Variants in TSPOAP1 observed in about 807,000 individuals in gnomAD.
The protein encoded by TSPOAP1 is TSPO associated protein 1.
TSPOAP1 carries 87 observed loss-of-function variants against 197.0 expected under a neutral mutation model. That is an observed-to-expected ratio of 0.44 (90% CI 0.37 to 0.53). The LOEUF is 0.53. Ranked by LOEUF, TSPOAP1 falls within the 20% of genes least tolerant of loss-of-function variation. The pLI is 0.00. For synonymous variants in TSPOAP1, 913 were observed against 998.9 expected (o/e 0.91, Z 1.62); for missense variants, 2,174 against 2,411.3 (o/e 0.90, Z 2.06).
In TSPOAP1 at chr17:58,307,589, GCCC is replaced by G. The variant is rs1970938999; in HGVS notation, c.4983+19_4983+21del. ...ACCCAGCTGGTGTTTGGAATTCTGA[GCCC>G]TGATGGCGAATCAGTCACCTTCAGG... On this transcript the variant is annotated intron_variant, in intron 24 of 31. Coordinates refer to ENST00000343736, the MANE Select transcript of TSPOAP1 (RefSeq NM_004758.4). The G allele has an allele frequency of 6.2e-7, 1 of 1,610,512 alleles. No homozygotes were observed. Among genetic ancestry groups the G allele is most frequent in the African/African-American group, 1.3e-5 (1 of 74,878 alleles).
At position 58,312,163 on chromosome 17, in the gene TSPOAP1, G is replaced by T. The variant is rs1218272427; in HGVS notation, c.2658C>A (p.Ser886Arg). The change falls in exon 17 of 32, where the codon AGC (serine) becomes AGA (arginine). Residue 886 changes from serine to arginine, a missense_variant. Physicochemically the swap from Ser to Arg is moderately radical, Grantham distance 110 (BLOSUM62 -1). Transcript: ENST00000343736. The part of the protein sequence containing the change: ...AVGARAGVVP[S>R]QLRVHRLTAT... ...CTGTCAACCGATGGACCCGCAGCTG[G>T]CTGGGCACCACTCCGGCCCGGGCAC... The T allele has an allele frequency of 6.2e-7, 1 of 1,613,130 alleles. No individual in the cohort carries two copies.
chr17:58,327,737 T>G lies in TSPOAP1; in HGVS notation c.184A>C (p.Lys62Gln). The change falls in exon 1 of 32, where the codon AAG (lysine) becomes CAG (glutamine). Residue 62 changes from lysine to glutamine, a missense_variant. Physicochemically the swap from Lys to Gln is moderately conservative, Grantham distance 53. This residue lies in a region of TSPOAP1 where 1,933 missense variants were observed against 2,139.0 expected (regional missense o/e 0.90). Coordinates refer to ENST00000343736, the MANE Select transcript of TSPOAP1 (RefSeq NM_004758.4). ...LQELRSEESSKPKGDGSSRPV... is the reference protein window; with the variant it reads ...LQELRSEESSQPKGDGSSRPV... Reference sequence around the variant, plus strand: ...CTGGAGCTCCCGTCTCCTTTGGGCTTGGAACTCTCCTCAGACCTCAGTTCT... The same window carrying G: ...CTGGAGCTCCCGTCTCCTTTGGGCTGGGAACTCTCCTCAGACCTCAGTTCT... The G allele has an allele frequency of 6.2e-7, 1 of 1,614,182 alleles. No homozygotes were observed. The highest frequency in any genetic ancestry group is 8.5e-7 in the Non-Finnish European group (1 of 1,180,034).
chr17:58,311,436 T>C, intron 18 of TSPOAP1, 135 bp downstream of exon 18: 1 of 1,336,778 alleles, frequency 7.5e-7, no homozygotes, highest in Non-Finnish European at 1.0e-6. Context: ...AAGCCCATGC[T>C]CTTAACCCAT....
rs560278627 is a variant in TSPOAP1, at chr17:58,313,989, A to G, written c.2099-1267T>C. ...ATGTCAAGGAAGCTGGGCACCCAGCATGTAATGTCACGGTCAATTTAAAGA... is the reference window on the plus strand; with the variant it reads ...ATGTCAAGGAAGCTGGGCACCCAGCGTGTAATGTCACGGTCAATTTAAAGA... On this transcript the variant is annotated intron_variant, in intron 16 of 31. Transcript: ENST00000343736. Among the ~76,000 whole-genome samples the G allele has an allele frequency of 9.1e-4, 139 of 152,352 alleles. 1 individual carries two copies. Among genetic ancestry groups the G allele is most frequent in the African/African-American group, 2.7e-3 (112 of 41,570 alleles).
At position 58,309,819 on chromosome 17, in the gene TSPOAP1, C is replaced by T. The variant is rs1971025233; in HGVS notation, c.3891+148G>A. 4 of 1,093,442 alleles carry T rather than the reference C, an allele frequency of 3.7e-6. No homozygotes were observed. Among genetic ancestry groups the T allele is most frequent in the South Asian group, 3.3e-5 (2 of 61,474 alleles). 67.7% of individuals were successfully genotyped at this position (1,093,442 alleles called of 1,614,324 possible). A position where few individuals can be genotyped will look rare whatever the true frequency, so the allele number is the denominator to read the frequency against. ...GAGGGCAGGGGCCAATCCTGGGGCA[C>T]TTCCTATCTTCTGCTTAGGACAGGG... On this transcript the variant is annotated intron_variant, in intron 21 of 31. Coordinates refer to ENST00000343736, the MANE Select transcript of TSPOAP1 (RefSeq NM_004758.4). This position sits in a 1 kb window ranked among gnomAD's most constrained non-coding sequence, Gnocchi z 5.0.
chr17:58,312,763 CAG>C (rs765620699), intron 16 of TSPOAP1, 41 bp from the exon 17 acceptor site: 103 of 1,537,574 alleles, frequency 6.7e-5, no homozygotes, highest in Non-Finnish European at 8.8e-5. Context: ...CAGGGGAAGA[CAG>C]AGAGGAGATA....
rs530410022 is a variant in TSPOAP1 at position 58,314,709 on chromosome 17, CA to C, written c.2098+1313del. ...AGCCACTCTATGGTAATTGCTCCTG[CA>C]GCCCTAGGAAACGATCATAAGCACC... On this transcript the variant is annotated intron_variant, in intron 16 of 31. Transcript: ENST00000343736. Among the ~76,000 whole-genome samples the C allele has an allele frequency of 1.6e-4, 24 of 152,356 alleles. 1 individual carries two copies. The South Asian group carries it at 5.0e-3, about 32-fold the overall frequency.
chr17:58,309,157 C>T lies in TSPOAP1; in HGVS notation c.4115G>A (p.Gly1372Asp), dbSNP rs757340970. 9 of 1,613,950 alleles carry T rather than the reference C, an allele frequency of 5.6e-6. No individual in the cohort carries two copies. In the Admixed American group the frequency reaches 1.3e-4, roughly 24 times the overall value. ...ACACTGGCCAGGTCTTCGGGGCTGA[C>T]CACTGTCACAGCCCAGCCCCAGCAA... ...PALLGLGCDS[G>D]QPRRPGQCPL... The change falls in exon 22 of 32, where the codon GGT (glycine) becomes GAT (aspartate). Residue 1372 changes from glycine (G) to aspartate (D), a missense_variant. By Grantham distance (94) the Gly-to-Asp change is moderately conservative (BLOSUM62 -1). Around this residue, in one of 5 missense-constraint regions of TSPOAP1, gnomAD observed 1,933 missense variants for 2,139.0 expected, o/e 0.90. Transcript: ENST00000343736. The surrounding 1 kb of genome is among the most constrained non-coding windows in gnomAD (Gnocchi z 5.0).
At position 58,311,879 on chromosome 17, in the gene TSPOAP1, C is replaced by G; in HGVS notation, c.2929+13G>C. ...CCTGGGTGTTCTGGACAACAGGGCC[C>G]AAGCCCACATACCTGCTGGGAGTGT... On this transcript the variant is annotated intron_variant, in intron 17 of 31. Coordinates refer to ENST00000343736, the MANE Select transcript of TSPOAP1 (RefSeq NM_004758.4). 1 of 1,525,538 alleles carries G rather than the reference C, an allele frequency of 6.6e-7. No homozygotes were observed. Among genetic ancestry groups the G allele is most frequent in the Non-Finnish European group, 8.8e-7 (1 of 1,137,154 alleles). The allele number at this position is 1,525,538 out of a possible 1,614,324, so 94.5% of individuals were successfully genotyped here. A position where few individuals can be genotyped will look rare whatever the true frequency, so the allele number is the denominator to read the frequency against.
chr17:58,326,527 T>C lies in TSPOAP1; in HGVS notation c.442-106A>G. 6.4e-6 allele frequency: 10 copies of C among 1,558,778 alleles called. No homozygotes were observed. The highest frequency in any genetic ancestry group is 8.7e-6 in the Non-Finnish European group (10 of 1,149,308). Reference sequence around the variant, plus strand: ...AGCCCTAGGCTCACAGTGGGGTCCTTGGCAACTCTAGGCAGGGGTTCACCC... The same window carrying C: ...AGCCCTAGGCTCACAGTGGGGTCCTCGGCAACTCTAGGCAGGGGTTCACCC... On this transcript the variant is annotated intron_variant, in intron 2 of 31. Transcript: ENST00000343736. This position sits in a 1 kb window ranked among gnomAD's most constrained non-coding sequence, Gnocchi z 4.7.
chr17:58,321,213 AG>A (rs1567848590), intron 10 of TSPOAP1, among the ~76,000 whole-genome samples: 1 of 152,126 alleles, frequency 6.6e-6, no homozygotes, highest in Non-Finnish European at 1.5e-5. Context: ...CGGAGTATGA[AG>A]AGCCCCACCC....
intron 14 of TSPOAP1, among the ~76,000 whole-genome samples, chr17:58,317,704 T>G (rs1406903395): frequency 6.6e-6 from 1 of 152,136 alleles, no homozygotes; most frequent in Non-Finnish European, 1.5e-5. Context: ...GAGCTATGAG[T>G]GATGCCCAGG....
chr17:58,316,465 G>A lies in TSPOAP1; in HGVS notation c.1948C>T (p.Arg650Trp), dbSNP rs148012035. The change falls in exon 15 of 32, where the codon CGG (arginine) becomes TGG (tryptophan). Residue 650 changes from arginine (R) to tryptophan (W), a missense_variant. Transcript: ENST00000343736. ...AAGACCTGGATCCTGGCTCCTCCCC[G>A]GCTGCCCTCTGGCGCAGCTGGGAGC... ...SLLPAAPEGS[R>W]GGARIQVFLA... 7.3e-5 allele frequency: 118 copies of A among 1,613,660 alleles called. No homozygotes were observed. Among genetic ancestry groups the A allele is most frequent in the Middle Eastern group, 4.9e-4 (3 of 6,080 alleles).
chr17:58,325,795 GTTAGC>G, intron 3 of TSPOAP1, 82 bp from the exon 4 acceptor site: 1 of 1,461,490 alleles, frequency 6.8e-7, no homozygotes. Flanking sequence ...CAAAGGAGGA[GTTAGC>G]ATGAAAACCT....
intron 25 of TSPOAP1, 93 bp downstream of exon 25, chr17:58,306,707 G>A: frequency 6.9e-7 from 1 of 1,457,758 alleles, no homozygotes; most frequent in Non-Finnish European, 9.3e-7. Flanking sequence ...GTCTGGGTAA[G>A]TGGGAGCACC....
Position 58,311,084 on chromosome 17 carries a change from G to A in TSPOAP1, c.3211C>T (p.Pro1071Ser), listed in dbSNP as rs750850462. 6.3e-7 allele frequency: 1 copy of A among 1,583,016 alleles called. No individual in the cohort carries two copies. The highest frequency in any genetic ancestry group is 1.1e-5 in the South Asian group (1 of 87,646). Reference protein sequence around the residue: ...SPHGESADSIPAPITPALAPA... With the variant: ...SPHGESADSISAPITPALAPA... ...GCCAGGGCGGGAGTGATAGGAGCCG[G>A]GATGGAGTCCGCCGACTCCCCGTGG... is the stretch of plus-strand genomic sequence containing the variant. Residue 1071 changes from proline (P) to serine (S), a missense_variant, in exon 19 of 32, where the codon CCG (proline) becomes TCG (serine). Coordinates refer to ENST00000343736, the MANE Select transcript of TSPOAP1 (RefSeq NM_004758.4).
Position 58,312,271 on chromosome 17 carries a change from C to G in TSPOAP1, c.2550G>C (p.Leu850=). The G allele has an allele frequency of 1.2e-6, 2 of 1,612,714 alleles. No homozygotes were observed. The highest frequency in any genetic ancestry group is 1.7e-6 in the Non-Finnish European group (2 of 1,179,786). Residue 850 remains leucine, a synonymous_variant, in exon 17 of 32, where the codon CTG becomes CTC. Transcript: ENST00000343736. ...CAGAAATGTGAAGGGGCCCGGCCCA[C>G]AGGTCCAGGTTCTCCAGCACGGCCT... ...PPKAVLENLD[L]WAGPLHISVQ...
In TSPOAP1 at chr17:58,305,047, A is replaced by G. The variant is rs765262192; in HGVS notation, c.5544+14T>C. On this transcript the variant is annotated intron_variant, in intron 30 of 31. Coordinates refer to ENST00000343736, the MANE Select transcript of TSPOAP1 (RefSeq NM_004758.4). ...GACTGCCCTGCCAAGCTGGGAGCCC[A>G]GCTCCTCACTGACCTGACTCTCAGC... 6.2e-7 allele frequency: 1 copy of G among 1,606,686 alleles called. No individual in the cohort carries two copies. Among genetic ancestry groups the G allele is most frequent in the South Asian group, 1.1e-5 (1 of 90,924 alleles).
intron 7 of TSPOAP1, 34 bp from the exon 8 acceptor site, chr17:58,323,073 C>T (rs1423780456): frequency 1.3e-6 from 2 of 1,582,738 alleles, no homozygotes; most frequent in East Asian, 2.3e-5. Context: ...GGAGGGAGCC[C>T]AGCACCCACA....
Sources: gnomAD v4.1 joint callset for allele counts (sites outside exome capture counted in the v4.1 genomes callset) on GRCh38, gnomAD v4.1.1 for gene constraint, gnomAD v4.1.1 regional missense constraint, Gnocchi (gnomAD v3.1) non-coding constraint, MANE v1.5 for transcripts, NCBI Gene and HGNC (gene_info 2026-07-23, HGNC 2026-07-21) for gene names.